Variants in ECM2 observed in about 807,000 individuals in gnomAD.
The protein encoded by ECM2 is extracellular matrix protein 2, also known as extracellular matrix protein 2, female organ and adipocyte specific.
In ECM2, 57 loss-of-function variants were observed where a neutral mutation model predicts 67.5. The observed-to-expected ratio is 0.84, with a 90% CI of 0.68 to 1.05. ECM2 has a LOEUF of 1.05. Among genes scored for constraint, ECM2 ranks in the 50% least tolerant of loss-of-function variants. The pLI is 0.00. For synonymous variants in ECM2, 258 were observed against 294.5 expected (o/e 0.88, Z 1.27); for missense variants, 741 against 822.8 (o/e 0.90, Z 1.22).
At chr9:92,517,628 A>T (rs774672620) in intron 3 of ECM2, 59 bp downstream of exon 3, 1 of 1,601,232 alleles carries the variant, frequency 6.2e-7, no homozygotes, top group Non-Finnish European at 8.5e-7. Context: ...AGTAACAAAA[A>T]CAAATGGAAG....
chr9:92,556,349 G>C, the ECM2 span, among the ~76,000 whole-genome samples: 3 of 152,140 alleles, frequency 2.0e-5, no homozygotes, highest in African/African-American at 7.2e-5. Context: ...CTCTTGAATA[G>C]AATGTGTATT....
chr9:92,523,297 TTC>T (rs1848191709), intron 1 of ECM2, among the ~76,000 whole-genome samples: 1 of 152,198 alleles, frequency 6.6e-6, no homozygotes, highest in African/African-American at 2.4e-5. Context: ...AGAAACCTTT[TTC>T]TATAAAGGGC....
At chr9:92,518,016 TGTC>T (rs2131223456) in intron 2 of ECM2, 141 bp from the exon 3 acceptor site, 2 of 990,404 alleles carry the variant, frequency 2.0e-6, no homozygotes, top group East Asian at 2.6e-5. Flanking sequence ...AGGGTAAAGA[TGTC>T]GTATAGACAT....
At chr9:92,514,585 A>C in intron 4 of ECM2, 46 bp downstream of exon 4, 1 of 1,526,946 alleles carries the variant, frequency 6.5e-7, no homozygotes, top group Non-Finnish European at 8.8e-7. Flanking sequence ...GCTAAGAGTC[A>C]TTTACTTTTA....
intron 9 of ECM2, 26 bp downstream of exon 9, chr9:92,500,701 A>T: frequency 6.3e-7 from 1 of 1,586,696 alleles, no homozygotes; most frequent in Non-Finnish European, 8.6e-7. Flanking sequence ...AAATTTAAAC[A>T]GATACTTGAA....
chr9:92,512,180 A>G, intron 4 of ECM2, 54 bp from the exon 5 acceptor site: 3 of 1,178,550 alleles, frequency 2.5e-6, no homozygotes, highest in East Asian at 2.4e-5. Flanking sequence ...ATACATGTAC[A>G]CACATGTATG....
intron 2 of ECM2, among the ~76,000 whole-genome samples, chr9:92,520,686 C>A (rs1338590326): frequency 6.6e-6 from 1 of 152,016 alleles, no homozygotes; most frequent in Non-Finnish European, 1.5e-5. Context: ...TCATGATAGC[C>A]AAAAGGTGGA....
chr9:92,554,620 G>A, the ECM2 span, among the ~76,000 whole-genome samples: 61 of 152,174 alleles, frequency 4.0e-4, no homozygotes, highest in African/African-American at 1.3e-3. Context: ...CTATTAGCTA[G>A]TACTTTGTGC....
At chr9:92,519,920 TCCTGATATCCAGA>T (rs1401450104) in intron 2 of ECM2, among the ~76,000 whole-genome samples, 1 of 151,238 alleles carries the variant, frequency 6.6e-6, no homozygotes, top group Non-Finnish European at 1.5e-5. Context: ...TCTGATAAGG[TCCTGATATCCAGA>T]ATATTCATAA....
chr9:92,548,037 A>C, the ECM2 span, among the ~76,000 whole-genome samples: 28 of 152,208 alleles, frequency 1.8e-4, no homozygotes, highest in Non-Finnish European at 3.8e-4. Flanking sequence ...AATCCAAAAG[A>C]ATTTTCAGAT....
rs532836256 is a variant in ECM2, at chr9:92,505,371, G to T, written c.1464+162C>A. ...AATTATAATTTCGATTCAGAATTTT[G>T]TATTGCTTGAAGAAAAAACAATGCT... is the stretch of plus-strand genomic sequence containing the variant. On this transcript the variant is annotated intron_variant, in intron 7 of 9. Coordinates refer to ENST00000344604, the MANE Select transcript of ECM2 (RefSeq NM_001393.4). Among the ~76,000 whole-genome samples the T allele has an allele frequency of 9.9e-5, 15 of 152,118 alleles. No individual in the cohort carries two copies. In the South Asian group the frequency reaches 1.5e-3, roughly 15 times the overall value.
intron 1 of ECM2, among the ~76,000 whole-genome samples, chr9:92,535,451 C>T (rs955682630): frequency 1.3e-5 from 2 of 152,076 alleles, no homozygotes; most frequent in African/African-American, 2.4e-5. Flanking sequence ...TTTATCCCAA[C>T]ATTAAATATT....
intron 2 of ECM2, among the ~76,000 whole-genome samples, chr9:92,522,104 C>A (rs993818610): frequency 1.3e-5 from 2 of 151,632 alleles, no homozygotes; most frequent in African/African-American, 2.4e-5. Flanking sequence ...TTTTTAATCT[C>A]GAGACGGAGT....
chr9:92,532,193 A>G (rs966472833), intron 1 of ECM2, among the ~76,000 whole-genome samples: 1 of 150,062 alleles, frequency 6.7e-6, no homozygotes, highest in African/African-American at 2.5e-5. Flanking sequence ...TCTTTTTTCC[A>G]TTGTTTGTTT....
chr9:92,554,812 T>C, the ECM2 span, among the ~76,000 whole-genome samples: 2 of 150,988 alleles, frequency 1.3e-5, no homozygotes, highest in Non-Finnish European at 3.0e-5. Flanking sequence ...TTATTTTTGG[T>C]TTTTTAGTAG....
chr9:92,503,558 T>C (rs1472257561), intron 7 of ECM2, among the ~76,000 whole-genome samples: 1 of 152,252 alleles, frequency 6.6e-6, no homozygotes, highest in African/African-American at 2.4e-5. Context: ...AAGTTTTTAA[T>C]AGCTAGCTGC....
chr9:92,553,097 AGAT>A, the ECM2 span, among the ~76,000 whole-genome samples: 1 of 152,090 alleles, frequency 6.6e-6, no homozygotes, highest in African/African-American at 2.4e-5. Context: ...ATAAAATGAG[AGAT>A]GATGATCCAG....
chr9:92,535,192 C>T (rs1849094078), intron 1 of ECM2, among the ~76,000 whole-genome samples: 1 of 152,186 alleles, frequency 6.6e-6, no homozygotes, highest in Admixed American at 6.5e-5. Context: ...TTGACAAAAT[C>T]AGTATCTAAA....
chr9:92,498,930 C>T (rs758318201), intron 9 of ECM2, among the ~76,000 whole-genome samples: 8 of 152,144 alleles, frequency 5.3e-5, no homozygotes, highest in African/African-American at 1.9e-4. Context: ...TTTCAAAATA[C>T]GGAATTTCCT....
Sources: allele counts gnomAD v4.1 joint callset (sites outside exome capture counted in the v4.1 genomes callset), GRCh38; gene constraint gnomAD v4.1.1; transcripts MANE v1.5; gene names NCBI Gene and HGNC (gene_info 2026-07-23, HGNC 2026-07-21).